Variants in RNF152 observed in about 807,000 individuals in gnomAD.
RNF152 encodes E3 ubiquitin-protein ligase RNF152.
Under a neutral mutation model 12.7 loss-of-function variants are expected in RNF152, and 11 were observed. The observed-to-expected ratio is 0.86, with a 90% CI of 0.54 to 1.43. The LOEUF is 1.43. RNF152 is among the 40% of genes most tolerant of loss of function. The pLI is 0.00. For missense variants in RNF152, 255 were observed against 274.8 expected (o/e 0.93, Z 0.51); for synonymous variants, 113 against 120.3 (o/e 0.94, Z 0.40).
chr18:61,889,813 C>A (rs1196117669), intron 1 of RNF152, among the ~76,000 whole-genome samples: 1 of 152,118 alleles, frequency 6.6e-6, no homozygotes, highest in Non-Finnish European at 1.5e-5. Flanking sequence ...CTTTTTCTAC[C>A]CTGGGCGGTT....
At chr18:61,829,888 G>A (rs1441003105) in intron 1 of RNF152, among the ~76,000 whole-genome samples, 1 of 151,962 alleles carries the variant, frequency 6.6e-6, no homozygotes. Context: ...ACTTCAGGGG[G>A]GCAAGTGTAA....
intron 1 of RNF152, among the ~76,000 whole-genome samples, chr18:61,838,877 A>T (rs1194335245): frequency 6.6e-6 from 1 of 152,068 alleles, no homozygotes; most frequent in East Asian, 1.9e-4. Context: ...TGGCTACAGC[A>T]CATCCCACCT....
intron 1 of RNF152, among the ~76,000 whole-genome samples, chr18:61,889,463 C>T (rs1262495258): frequency 6.6e-6 from 1 of 152,184 alleles, no homozygotes; most frequent in Non-Finnish European, 1.5e-5. Context: ...TCTCTGCAAG[C>T]CACCAACTGC....
intron 1 of RNF152, among the ~76,000 whole-genome samples, chr18:61,859,607 G>A (rs961745889): frequency 1.3e-5 from 2 of 152,156 alleles, no homozygotes; most frequent in South Asian, 2.1e-4. Flanking sequence ...GGCCGGGCAC[G>A]GTGGCTCATG....
chr18:61,817,475 G>A (rs899759006), intron 1 of RNF152, among the ~76,000 whole-genome samples: 1 of 152,182 alleles, frequency 6.6e-6, no homozygotes, highest in Non-Finnish European at 1.5e-5. Flanking sequence ...CTTTCTATGA[G>A]TGGGTTCTGC....
chr18:61,818,964 G>A (rs1166056698), intron 1 of RNF152, among the ~76,000 whole-genome samples: 7 of 152,142 alleles, frequency 4.6e-5, no homozygotes, highest in African/African-American at 9.7e-5. Flanking sequence ...GAATCAGGGG[G>A]AATTTAGTGA....
At chr18:61,834,082 C>G (rs1246105781) in intron 1 of RNF152, among the ~76,000 whole-genome samples, 1 of 152,166 alleles carries the variant, frequency 6.6e-6, no homozygotes, top group South Asian at 2.1e-4. Flanking sequence ...AAGATGTGAC[C>G]CCTGGGTAGT....
chr18:61,837,739 T>G (rs2144663500), intron 1 of RNF152, among the ~76,000 whole-genome samples: 1 of 152,346 alleles, frequency 6.6e-6, no homozygotes, highest in Admixed American at 6.5e-5. Flanking sequence ...AATAGCCCTT[T>G]AAACAACTTG....
At chr18:61,842,968 C>G (rs938633442) in intron 1 of RNF152, among the ~76,000 whole-genome samples, 2 of 152,202 alleles carry the variant, frequency 1.3e-5, no homozygotes, top group African/African-American at 4.8e-5. Flanking sequence ...GACACAGAGC[C>G]AAACCATATC....
At chr18:61,878,590 T>C (rs1452361572) in intron 1 of RNF152, among the ~76,000 whole-genome samples, 1 of 152,250 alleles carries the variant, frequency 6.6e-6, no homozygotes, top group East Asian at 1.9e-4. Flanking sequence ...ATACTTGTGA[T>C]TGGGTGATTT....
At chr18:61,885,975 CTTTTGCTTTCTTTTTTTTTT>C (rs1375763464) in intron 1 of RNF152, among the ~76,000 whole-genome samples, 6 of 84,090 alleles carry the variant, frequency 7.1e-5, no homozygotes, top group Non-Finnish European at 1.4e-4. Flanking sequence ...CTTTTGCTTT[CTTTTGCTTTCTTTTTTTTTT>C]TTTTTTTTTT....
At chr18:61,833,045 G>A (rs1304046424) in intron 1 of RNF152, among the ~76,000 whole-genome samples, 1 of 152,188 alleles carries the variant, frequency 6.6e-6, no homozygotes, top group Non-Finnish European at 1.5e-5. Flanking sequence ...CCAGTTAAGG[G>A]ATGGCAGCGT....
chr18:61,853,352 C>G (rs1046046840), intron 1 of RNF152, among the ~76,000 whole-genome samples: 1 of 148,404 alleles, frequency 6.7e-6, no homozygotes, highest in African/African-American at 2.5e-5. Context: ...TAATGGCACA[C>G]GATCACAGCT....
At chr18:61,817,641 G>A (rs912340409) in intron 1 of RNF152, among the ~76,000 whole-genome samples, 2 of 151,878 alleles carry the variant, frequency 1.3e-5, no homozygotes, top group African/African-American at 4.8e-5. Context: ...TGGAACCAAT[G>A]CCCTCAGATA....
chr18:61,839,382 GTTA>G (rs1910342364), intron 1 of RNF152, among the ~76,000 whole-genome samples: 2 of 152,188 alleles, frequency 1.3e-5, no homozygotes, highest in African/African-American at 4.8e-5. Flanking sequence ...ATTTCCAGAA[GTTA>G]TTAATATTTC....
intron 1 of RNF152, among the ~76,000 whole-genome samples, chr18:61,874,678 G>T (rs533812660): frequency 6.6e-6 from 1 of 152,156 alleles, no homozygotes; most frequent in Non-Finnish European, 1.5e-5. Context: ...ATAAAGCACC[G>T]CCAAGTAGTT....
intron 1 of RNF152, among the ~76,000 whole-genome samples, chr18:61,876,873 A>C (rs73963599): frequency 1.4e-3 from 208 of 152,270 alleles, no homozygotes; most frequent in African/African-American, 4.2e-3. Flanking sequence ...TATATGGGGG[A>C]ACAAAACACT....
chr18:61,826,370 C>G (rs1269234363), intron 1 of RNF152, among the ~76,000 whole-genome samples: 1 of 152,186 alleles, frequency 6.6e-6, no homozygotes, highest in Admixed American at 6.5e-5. Flanking sequence ...AGACCACTCA[C>G]ACATGCAAAC....
intron 1 of RNF152, among the ~76,000 whole-genome samples, chr18:61,845,920 T>G (rs1397394317): frequency 1.7e-4 from 26 of 149,480 alleles, no homozygotes; most frequent in Non-Finnish European, 2.8e-4. Flanking sequence ...GGGCTTTGTG[T>G]GGGGGGGCGT....
Sources: gnomAD v4.1 joint callset for allele counts (sites outside exome capture counted in the v4.1 genomes callset) on GRCh38, gnomAD v4.1.1 for gene constraint, MANE v1.5 for transcripts, NCBI Gene and HGNC (gene_info 2026-07-23, HGNC 2026-07-21) for gene names.